The following WBP2 variants were observed in gnomAD, a reference collection of about 807,000 sequenced individuals.
WBP2 encodes WW domain binding protein 2, also known as WW domain-binding protein 2.
In WBP2, 23 loss-of-function variants were observed where a neutral mutation model predicts 33.0. The observed-to-expected ratio is 0.70, with a 90% CI of 0.50 to 0.99. The LOEUF is 0.99. Among genes scored for constraint, WBP2 ranks in the 50% least tolerant of loss-of-function variants. The pLI, the probability that WBP2 is intolerant of heterozygous loss-of-function variation, is 0.00. For synonymous variants in WBP2, 153 were observed against 133.5 expected, an observed-to-expected ratio of 1.15 and a Z score of -1.01; for missense variants, 353 against 358.0, an observed-to-expected ratio of 0.99 and a Z score of 0.11.
In WBP2 at chr17:75,849,724, T is replaced by A. The variant is rs1306334218; in HGVS notation, c.184A>T (p.Lys62Ter). The change falls in exon 3 of 8, where the codon AAG (lysine) becomes TAG (stop). Residue 62 changes from lysine (K) to a stop codon, truncating the protein, a stop_gained. Coordinates refer to ENST00000254806, the MANE Select transcript of WBP2 (RefSeq NM_012478.4). LOFTEE classifies it high-confidence loss of function. ...AAGGACTGCATGGCATCCTTGCCCT[T>A]GGACAGAAAGATGACCTGCAGGGAG... ...LTPYRVIFLSKGKDAMQSFMM... is the reference protein window; with the variant it reads ...LTPYRVIFLS 1.2e-6 allele frequency: 2 copies of A among 1,614,010 alleles called. No homozygotes were observed. Among genetic ancestry groups the A allele is most frequent in the African/African-American group, 1.3e-5 (1 of 74,932 alleles).
rs2065016857 is a variant in WBP2, at chr17:75,849,811, C to T, written c.169-72G>A. On this transcript the variant is annotated intron_variant, in intron 2 of 7. Coordinates refer to ENST00000254806, the MANE Select transcript of WBP2 (RefSeq NM_012478.4). ...CGCTGCCATGCTTCCCGCCTGCTTC[C>T]TGGGAGTGACGAATCCTCTCCCAGT... 2.5e-6 allele frequency: 4 copies of T among 1,574,836 alleles called. No homozygotes were observed. In the South Asian group the frequency reaches 4.6e-5, roughly 18 times the overall value.
intron 1 of WBP2, among the ~76,000 whole-genome samples, chr17:75,853,710 T>TTCTCTGACTGGGGAAGGG (rs1418353914): frequency 2.0e-5 from 3 of 151,940 alleles, no homozygotes; most frequent in Non-Finnish European, 2.9e-5. Context: ...TATCACAACT[T>TTCTCTGACTGGGGAAGGG]TCTCTGACTG....
intron 1 of WBP2, 80 bp downstream of exon 1, chr17:75,855,159 T>TACC: frequency 1.0e-6 from 1 of 964,064 alleles, no homozygotes; most frequent in Non-Finnish European, 1.6e-6. Context: ...AGGGGCTTAT[T>TACC]CCCCACCACC....
At position 75,851,625 on chromosome 17, in the gene WBP2, G is replaced by A. The variant is rs995442882; in HGVS notation, c.111C>T (p.Asn37=). The part of the protein sequence containing the change: ...HVELTFNDMK[N]VPEAFKGTKK... ...TGGTCCCTTTGAAGGCTTCTGGCAC[G>A]TTCTTCATGTCATTGAATGTGAGTT... The change falls in exon 2 of 8, where the codon AAC becomes AAT. Residue 37 remains asparagine, a synonymous_variant. Coordinates refer to ENST00000254806, the MANE Select transcript of WBP2 (RefSeq NM_012478.4). 10 of 1,613,802 alleles carry A rather than the reference G, an allele frequency of 6.2e-6. No homozygotes were observed. Among genetic ancestry groups the A allele is most frequent in the African/African-American group, 2.7e-5 (2 of 75,040 alleles).
At chr17:75,849,547 G>T (rs1355497585) in intron 3 of WBP2, 57 bp downstream of exon 3, 1 of 1,605,822 alleles carries the variant, frequency 6.2e-7, no homozygotes, top group Non-Finnish European at 8.5e-7. Flanking sequence ...GCAGTCAGAG[G>T]TTCCCAGGAC....
chr17:75,846,463 C>G lies in WBP2; in HGVS notation c.*271G>C, dbSNP rs1051527718. On this transcript the variant is annotated 3_prime_UTR_variant, in exon 8 of 8. Coordinates refer to ENST00000254806, the MANE Select transcript of WBP2 (RefSeq NM_012478.4). This position sits in a 1 kb window ranked among gnomAD's most constrained non-coding sequence, Gnocchi z 4.8. The stretch of plus-strand genomic sequence containing the variant: ...GGAGAAGCTGAGAGTGAAACAGGAA[C>G]AGGGGATGCTCCGTGCTCCCAGAAG... The G allele has an allele frequency of 9.5e-6, 5 of 524,886 alleles. No individual in the cohort carries two copies. The highest frequency in any genetic ancestry group is 5.0e-4 in the Middle Eastern group (1 of 2,002). The allele number at this position is 524,886 out of a possible 1,614,324, so 32.5% of individuals were successfully genotyped here. A position where few individuals can be genotyped will look rare whatever the true frequency, so the allele number is the denominator to read the frequency against.
In WBP2 at chr17:75,847,488, T is replaced by G; in HGVS notation, c.654A>C (p.Ala218=). The change falls in exon 6 of 8, where the codon GCA becomes GCC. Residue 218 remains alanine (A), a splice_region_variant and synonymous_variant. Transcript: ENST00000254806. ...VSGPDVPSTP[A]AEAKAAEAAA... ...CTGCCAGCACCCAAGGGCCCTCACCTGCAGGAGTGGAGGGGACATCGGGGC... is the reference window on the plus strand; with the variant it reads ...CTGCCAGCACCCAAGGGCCCTCACCGGCAGGAGTGGAGGGGACATCGGGGC... 6.3e-7 allele frequency: 1 copy of G among 1,592,462 alleles called. No homozygotes were observed. Among genetic ancestry groups the G allele is most frequent in the Non-Finnish European group, 8.5e-7 (1 of 1,170,202 alleles).
chr17:75,855,105 C>CCA (rs933637528), intron 1 of WBP2, 134 bp downstream of exon 1: 1 of 641,914 alleles, frequency 1.6e-6, no homozygotes, highest in African/African-American at 1.8e-5. Flanking sequence ...AACCCCGCCC[C>CCA]CAGCCGTTCC....
chr17:75,848,744 C>T, intron 3 of WBP2, 82 bp from the exon 4 acceptor site: 1 of 1,273,080 alleles, frequency 7.9e-7, no homozygotes, highest in Non-Finnish European at 1.1e-6. Flanking sequence ...CTCTCCAGGA[C>T]TTCATCCAAC....
chr17:75,847,989 A>G, intron 4 of WBP2, 59 bp from the exon 5 acceptor site: 1 of 1,548,440 alleles, frequency 6.5e-7, no homozygotes, highest in South Asian at 1.2e-5. Flanking sequence ...GGGAGAGGGC[A>G]GCCCCGCTGC....
In WBP2 at chr17:75,851,571, G is replaced by A; in HGVS notation, c.165C>T (p.Tyr55=). The A allele has an allele frequency of 6.2e-7, 1 of 1,611,800 alleles. No individual in the cohort carries two copies. The highest frequency in any genetic ancestry group is 2.2e-5 in the East Asian group (1 of 44,846). Residue 55 remains tyrosine, a synonymous_variant, in exon 2 of 8, where the codon TAC becomes TAT. Coordinates refer to ENST00000254806, the MANE Select transcript of WBP2 (RefSeq NM_012478.4). ...ACTGCCCTGCTGTGCAACTCACCCG[G>A]TAAGGGGTAAGGTAGACAGTGCCTT... ...TKKGTVYLTP[Y]RVIFLSKGKD... is the part of the protein sequence containing the mutation.
chr17:75,847,379 C>T, intron 6 of WBP2, 108 bp downstream of exon 6: 1 of 1,510,944 alleles, frequency 6.6e-7, no homozygotes, highest in Non-Finnish European at 8.9e-7. Context: ...CAGGGGTCAT[C>T]CATCATCTGC....
chr17:75,850,987 C>T (rs997118044), intron 2 of WBP2, among the ~76,000 whole-genome samples: 1 of 152,240 alleles, frequency 6.6e-6, no homozygotes, highest in Non-Finnish European at 1.5e-5. Flanking sequence ...AGCCTCCGCA[C>T]CAGCCTGTCT....
upstream of WBP2, chr17:75,856,159 A>T (rs1226630539): frequency 6.6e-6 from 1 of 152,320 alleles, no homozygotes; most frequent in East Asian, 1.9e-4. Context: ...GATAACTAGG[A>T]TTTACAGAAT....
chr17:75,849,679 T>C lies in WBP2; in HGVS notation c.229A>G (p.Met77Val), dbSNP rs775404592. 22 of 1,609,356 alleles carry C rather than the reference T, an allele frequency of 1.4e-5. No homozygotes were observed. In the East Asian group the frequency reaches 2.9e-4, roughly 21 times the overall value. The change falls in exon 3 of 8, where the codon ATG (methionine) becomes GTG (valine). Residue 77 changes from methionine (M) to valine (V), a missense_variant. Met to Val is a conservative substitution (Grantham distance 21). Coordinates refer to ENST00000254806, the MANE Select transcript of WBP2 (RefSeq NM_012478.4). ...GGCTGCTTGATCTCACAGTCTTTCA[T>C]GAGATAAAATGGCATCATGAAGGAC... is the stretch of plus-strand genomic sequence containing the variant. The part of the protein sequence containing the change: ...MQSFMMPFYL[M>V]KDCEIKQPVF...
In WBP2 at chr17:75,848,553, C is replaced by T. The variant is rs1194524773; in HGVS notation, c.397+17G>A. ...GTTTAGTGTGTCTTTAGCCCCTAAT[C>T]TTCGGAGCCTGGATACCTTGAGATG... is the stretch of plus-strand genomic sequence containing the variant. On this transcript the variant is annotated intron_variant, in intron 4 of 7. Transcript: ENST00000254806. 3.1e-6 allele frequency: 5 copies of T among 1,611,652 alleles called. No homozygotes were observed. In the South Asian group the frequency reaches 4.4e-5, roughly 14 times the overall value.
At chr17:75,855,125 T>C in intron 1 of WBP2, 114 bp downstream of exon 1, 6 of 304,050 alleles carry the variant, frequency 2.0e-5, no homozygotes, top group East Asian at 1.4e-4. Flanking sequence ...CCCACCAACC[T>C]CACTCCATCA....
chr17:75,847,578 C>G lies in WBP2; in HGVS notation c.564G>C (p.Gly188=). ...GTGGGGGCTGCACGTATCCCATGGC[C>G]CCGTCCATCATGGGGGGTCCTGGAT... is the stretch of plus-strand genomic sequence containing the variant. ...EFYPGPPMMD[G]AMGYVQPPPP... is the part of the protein sequence containing the mutation. Residue 188 remains glycine, a synonymous_variant, in exon 6 of 8, where the codon GGG becomes GGC. Transcript: ENST00000254806. The G allele has an allele frequency of 6.2e-7, 1 of 1,610,894 alleles. No individual in the cohort carries two copies. Among genetic ancestry groups the G allele is most frequent in the Admixed American group, 1.7e-5 (1 of 59,628 alleles).
intron 1 of WBP2, among the ~76,000 whole-genome samples, chr17:75,853,492 C>T (rs967337714): frequency 1.3e-5 from 2 of 152,058 alleles, no homozygotes; most frequent in East Asian, 1.9e-4. Flanking sequence ...GGTAGAAGGC[C>T]GAGCAGGATA....
Sources: allele counts gnomAD v4.1 joint callset (sites outside exome capture counted in the v4.1 genomes callset), GRCh38; gene constraint gnomAD v4.1.1; non-coding constraint Gnocchi (gnomAD v3.1); transcripts MANE v1.5; gene names NCBI Gene and HGNC (gene_info 2026-07-23, HGNC 2026-07-21).